The following SYNPR variants were observed in gnomAD, a reference collection of about 807,000 sequenced individuals.
SYNPR encodes synaptoporin.
A neutral mutation model predicts 32.9 loss-of-function variants in SYNPR; 23 were observed. The ratio of observed to expected loss-of-function variants is 0.70; its 90% CI spans 0.50 to 0.99. SYNPR has a LOEUF of 0.99. SYNPR is among the 50% of genes least tolerant of loss of function. The pLI is 0.00. For synonymous variants in SYNPR, 146 were observed against 135.9 expected (o/e 1.07, Z -0.52); for missense variants, 318 against 349.3 (o/e 0.91, Z 0.71).
At chr3:63,244,817 T>A (rs1056384724) in intron 1 of SYNPR, among the ~76,000 whole-genome samples, 1 of 152,134 alleles carries the variant, frequency 6.6e-6, no homozygotes, top group Non-Finnish European at 1.5e-5. Flanking sequence ...TCTGCACGGC[T>A]TTTCTTATTT....
rs75142459 is a variant in SYNPR, at chr3:63,350,994, A to G, written c.84+72252A>G. Among the ~76,000 whole-genome samples, 48 of 152,092 alleles carry G rather than the reference A, an allele frequency of 3.2e-4. 1 individual carries two copies. In the East Asian group the frequency reaches 8.9e-3, roughly 28 times the overall value. On this transcript the variant is annotated intron_variant, in intron 2 of 5. Coordinates refer to ENST00000478300, the MANE Select transcript of SYNPR (RefSeq NM_001130003.2). The stretch of plus-strand genomic sequence containing the variant: ...TGGGTTCCATTTAGGTCATATCCTC[A>G]CTCTCTTGACTGTGTGCCCCTTATC...
intron 2 of SYNPR, among the ~76,000 whole-genome samples, chr3:63,365,901 C>A (rs1204861202): frequency 6.6e-6 from 1 of 152,146 alleles, no homozygotes; most frequent in African/African-American, 2.4e-5. Flanking sequence ...GGGCACACCT[C>A]ATATTCTGAT....
At chr3:63,378,956 C>A (rs1007745985) in intron 2 of SYNPR, among the ~76,000 whole-genome samples, 1 of 152,006 alleles carries the variant, frequency 6.6e-6, no homozygotes, top group Non-Finnish European at 1.5e-5. Flanking sequence ...GCACTGCGTG[C>A]TAAGAATACA....
At chr3:63,294,364 G>T (rs1249826948) in intron 2 of SYNPR, among the ~76,000 whole-genome samples, 1 of 152,188 alleles carries the variant, frequency 6.6e-6, no homozygotes, top group South Asian at 2.1e-4. Flanking sequence ...TTTGATAGTG[G>T]AAATGAAATC....
chr3:63,408,224 GGAAGGAAAGAAAGAAAGAAAGAAAGAAA>G (rs2088397434), intron 2 of SYNPR, among the ~76,000 whole-genome samples: 1 of 44,626 alleles, frequency 2.2e-5, no homozygotes, highest in Non-Finnish European at 3.9e-5. Context: ...AAGGAAGGAA[GGAAGGAAAGAAAGAAAGAAAGAAAGAAA>G]GAAAGAAAGA....
chr3:63,351,861 T>G (rs951806239), intron 2 of SYNPR, among the ~76,000 whole-genome samples: 1 of 151,992 alleles, frequency 6.6e-6, no homozygotes, highest in Admixed American at 6.6e-5. Context: ...AAAGAAGTAG[T>G]GAAAGAATGA....
At chr3:63,530,065 G>A (rs1006343639) in intron 3 of SYNPR, among the ~76,000 whole-genome samples, 7 of 152,090 alleles carry the variant, frequency 4.6e-5, no homozygotes, top group African/African-American at 7.2e-5. Flanking sequence ...TGACCCCCAT[G>A]CCTGTGAGGG....
intron 2 of SYNPR, among the ~76,000 whole-genome samples, chr3:63,471,339 G>A (rs75072581): frequency 0.026 from 3,917 of 152,242 alleles, 179 homozygotes; most frequent in African/African-American, 0.089. Context: ...GTCTTCCAGG[G>A]ACAACTTGCA....
intron 2 of SYNPR, among the ~76,000 whole-genome samples, chr3:63,456,683 C>T (rs947110564): frequency 2.6e-5 from 4 of 152,084 alleles, no homozygotes; most frequent in African/African-American, 4.8e-5. Context: ...AACCCACCAT[C>T]CATGCTCTTA....
At chr3:63,293,591 T>C (rs1203960565) in intron 2 of SYNPR, among the ~76,000 whole-genome samples, 1 of 152,178 alleles carries the variant, frequency 6.6e-6, no homozygotes, top group African/African-American at 2.4e-5. Flanking sequence ...AACAGAAATG[T>C]ATTTTCTCAC....
chr3:63,504,864 G>A (rs1026368314), intron 3 of SYNPR, among the ~76,000 whole-genome samples: 1 of 152,066 alleles, frequency 6.6e-6, no homozygotes, highest in Non-Finnish European at 1.5e-5. Flanking sequence ...AAATGCATTA[G>A]CCACGGTAGG....
chr3:63,531,121 T>C (rs926245184), intron 3 of SYNPR, among the ~76,000 whole-genome samples: 1 of 152,108 alleles, frequency 6.6e-6, no homozygotes, highest in Non-Finnish European at 1.5e-5. Context: ...GGCAGGCACA[T>C]AGTGGACCGC....
chr3:63,524,600 C>T (rs967228031), intron 3 of SYNPR, among the ~76,000 whole-genome samples: 12 of 152,134 alleles, frequency 7.9e-5, no homozygotes, highest in African/African-American at 2.9e-4. Context: ...CGCCCTGATG[C>T]CTTGCTAGCC....
intron 2 of SYNPR, among the ~76,000 whole-genome samples, chr3:63,293,362 G>A (rs2086760822): frequency 6.6e-6 from 1 of 152,094 alleles, no homozygotes; most frequent in Non-Finnish European, 1.5e-5. Context: ...TTATGCATAA[G>A]TGAAATGTTT....
At chr3:63,293,395 A>T (rs2086761092) in intron 2 of SYNPR, among the ~76,000 whole-genome samples, 1 of 152,198 alleles carries the variant, frequency 6.6e-6, no homozygotes, top group South Asian at 2.1e-4. Context: ...AAAATAAGCA[A>T]AAATTAGTAA....
intron 2 of SYNPR, among the ~76,000 whole-genome samples, chr3:63,257,548 TAAAAG>T (rs1301272448): frequency 1.3e-5 from 2 of 152,036 alleles, no homozygotes; most frequent in Non-Finnish European, 2.9e-5. Flanking sequence ...AGGCCTGCCC[TAAAAG>T]AGCTCCTGAA....
At chr3:63,371,756 A>C (rs1361807396) in intron 2 of SYNPR, among the ~76,000 whole-genome samples, 5 of 152,202 alleles carry the variant, frequency 3.3e-5, no homozygotes, top group Non-Finnish European at 1.5e-5. Context: ...GGACTCTAGC[A>C]CAACCACTCT....
At chr3:63,614,584 C>T (rs768069041) in intron 5 of SYNPR, among the ~76,000 whole-genome samples, 1 of 152,206 alleles carries the variant, frequency 6.6e-6, no homozygotes, top group Admixed American at 6.5e-5. Context: ...TGCAATTATT[C>T]GAACAGTCAA....
At chr3:63,500,120 G>C (rs57780067) in intron 3 of SYNPR, among the ~76,000 whole-genome samples, 1 of 152,114 alleles carries the variant, frequency 6.6e-6, no homozygotes. Flanking sequence ...CCAGTTTGGA[G>C]CATGGTTTTT....
Sources: gnomAD v4.1 joint callset for allele counts (sites outside exome capture counted in the v4.1 genomes callset) on GRCh38, gnomAD v4.1.1 for gene constraint, MANE v1.5 for transcripts, NCBI Gene and HGNC (gene_info 2026-07-23, HGNC 2026-07-21) for gene names.